The following QDPR variants were observed in gnomAD, a reference collection of about 807,000 sequenced individuals.
QDPR encodes the protein dihydropteridine reductase.
A neutral mutation model predicts 31.7 loss-of-function variants in QDPR; 23 were observed. The observed-to-expected ratio is 0.73, with a 90% CI of 0.52 to 1.03. QDPR has a LOEUF of 1.03. Among genes scored for constraint, QDPR ranks in the 50% least tolerant of loss-of-function variants. QDPR has a pLI of 0.00. For missense variants in QDPR, 324 were observed against 323.8 expected (o/e 1.00, Z 0.00); for synonymous variants, 124 against 124.7 (o/e 0.99, Z 0.03).
intron 3 of QDPR, among the ~76,000 whole-genome samples, chr4:17,503,660 GA>G (rs1718648304): frequency 6.6e-6 from 1 of 152,132 alleles, no homozygotes; most frequent in Non-Finnish European, 1.5e-5. Flanking sequence ...ATGAAAAGTT[GA>G]AAAATGGGCC....
intron 1 of QDPR, 145 bp from the exon 2 acceptor site, chr4:17,509,508 T>G: frequency 1.4e-6 from 1 of 722,150 alleles, no homozygotes; most frequent in Non-Finnish European, 2.4e-6. Context: ...GGAGGATCTC[T>G]TGAGGCCAAG....
chr4:17,510,180 G>C (rs889182126), intron 1 of QDPR, among the ~76,000 whole-genome samples: 1 of 152,188 alleles, frequency 6.6e-6, no homozygotes, highest in African/African-American at 2.4e-5. Flanking sequence ...TGGCAGACCA[G>C]ATTCAGCTCA....
intron 4 of QDPR, among the ~76,000 whole-genome samples, chr4:17,497,106 G>A (rs184739063): frequency 6.6e-6 from 1 of 152,138 alleles, no homozygotes; most frequent in Non-Finnish European, 1.5e-5. Flanking sequence ...ACTAGAATGG[G>A]CACAGAATGC....
intron 4 of QDPR, among the ~76,000 whole-genome samples, chr4:17,500,086 C>T (rs1478832895): frequency 1.3e-5 from 2 of 151,954 alleles, no homozygotes; most frequent in Non-Finnish European, 2.9e-5. Flanking sequence ...TGGGTTCACG[C>T]CATTCTCCTG....
rs191523119 is a variant in QDPR, at chr4:17,508,960, C to G, written c.198+311G>C. On this transcript the variant is annotated intron_variant, in intron 2 of 6. Coordinates refer to ENST00000281243, the MANE Select transcript of QDPR (RefSeq NM_000320.3). ...GATCACAAGGTCAGGAGTTCAAGATCAGCCTGGCCAACATGGTGAAACCCC... is the reference window on the plus strand; with the variant it reads ...GATCACAAGGTCAGGAGTTCAAGATGAGCCTGGCCAACATGGTGAAACCCC... Among the ~76,000 whole-genome samples, 23 of 152,250 alleles carry G rather than the reference C, an allele frequency of 1.5e-4. 1 individual carries two copies. Among genetic ancestry groups the G allele is most frequent in the Non-Finnish European group, 3.2e-4 (22 of 68,020 alleles).
At chr4:17,501,397 T>G (rs1718555657) in intron 4 of QDPR, among the ~76,000 whole-genome samples, 1 of 152,190 alleles carries the variant, frequency 6.6e-6, no homozygotes, top group Non-Finnish European at 1.5e-5. Flanking sequence ...GGATTCAATG[T>G]GATAATAATA....
At chr4:17,503,841 C>G (rs1034802219) in intron 3 of QDPR, among the ~76,000 whole-genome samples, 2 of 152,016 alleles carry the variant, frequency 1.3e-5, no homozygotes, top group Non-Finnish European at 2.9e-5. Flanking sequence ...ATATCAGCTA[C>G]TCGGGAGGCT....
At chr4:17,504,852 C>T (rs1232462041) in intron 2 of QDPR, among the ~76,000 whole-genome samples, 1 of 152,142 alleles carries the variant, frequency 6.6e-6, no homozygotes, top group East Asian at 1.9e-4. Context: ...TCTTTCCAGA[C>T]TCTCTTCACA....
chr4:17,512,077 C>T lies in QDPR; in HGVS notation c.-23G>A. 6.4e-7 allele frequency: 1 copy of T among 1,554,972 alleles called. No individual in the cohort carries two copies. Among genetic ancestry groups the T allele is most frequent in the Non-Finnish European group, 8.7e-7 (1 of 1,153,404 alleles). The stretch of plus-strand genomic sequence containing the variant: ...CATCCTGCTCCTGCCAGCCCGGCTC[C>T]CGCAGCTCCGAATGCCTCGAGCCGG... On this transcript the variant is annotated 5_prime_UTR_variant, in exon 1 of 7. Transcript: ENST00000281243.
At chr4:17,499,152 G>A (rs1297613028) in intron 4 of QDPR, among the ~76,000 whole-genome samples, 1 of 152,064 alleles carries the variant, frequency 6.6e-6, no homozygotes. Context: ...TATATATAAA[G>A]GAGACACTAT....
chr4:17,511,953 G>A lies in QDPR; in HGVS notation c.102C>T (p.Asn34=), dbSNP rs1357084602. The A allele has an allele frequency of 3.7e-6, 6 of 1,610,522 alleles. No homozygotes were observed. The Admixed American group carries it at 1.0e-4, about 27-fold the overall frequency. The change falls in exon 1 of 7, where the codon AAC becomes AAT. Residue 34 remains asparagine (N), a synonymous_variant. Transcript: ENST00000281243. Reference sequence around the variant, plus strand: ...CAGCCCCAGCCCGCAGCATTACCCAGTTGCGGGCCCGAAAAGCCTGCACGC... The same window carrying A: ...CAGCCCCAGCCCGCAGCATTACCCAATTGCGGGCCCGAAAAGCCTGCACGC... ...SRCVQAFRAR[N]WWVASVDVVE... is the part of the protein sequence containing the mutation.
rs965133239 is a variant in QDPR, at chr4:17,505,470, C to T, written c.199-995G>A. Among the ~76,000 whole-genome samples the T allele has an allele frequency of 3.3e-5, 5 of 152,294 alleles. No individual in the cohort carries two copies. In the East Asian group the frequency reaches 9.7e-4, roughly 30 times the overall value. On this transcript the variant is annotated intron_variant, in intron 2 of 6. Coordinates refer to ENST00000281243, the MANE Select transcript of QDPR (RefSeq NM_000320.3). ...CCATGTTGGCCAGGCTTGTCTCGAA[C>T]TCCTGACCTCAGGTGATTCGCCTGC...
At chr4:17,490,630 T>G in intron 6 of QDPR, 32 bp downstream of exon 6, 1 of 1,541,986 alleles carries the variant, frequency 6.5e-7, no homozygotes, top group South Asian at 1.1e-5. Context: ...GGCTGGAAGC[T>G]GCTCAGTCAT....
intron 4 of QDPR, among the ~76,000 whole-genome samples, chr4:17,492,835 A>C (rs941451073): frequency 6.6e-6 from 1 of 152,186 alleles, no homozygotes; most frequent in Non-Finnish European, 1.5e-5. Flanking sequence ...CTTGTGCCAA[A>C]GCTGATGGAG....
At chr4:17,496,411 T>C (rs1313947024) in intron 4 of QDPR, among the ~76,000 whole-genome samples, 1 of 115,410 alleles carries the variant, frequency 8.7e-6, no homozygotes, top group Non-Finnish European at 1.6e-5. Flanking sequence ...GCCATTGCAC[T>C]CCAGCCTGGG....
At chr4:17,509,507 CTT>C (rs1718922275) in intron 1 of QDPR, 144 bp from the exon 2 acceptor site, 1 of 729,172 alleles carries the variant, frequency 1.4e-6, no homozygotes, top group African/African-American at 1.7e-5. Context: ...GGGAGGATCT[CTT>C]GAGGCCAAGA....
rs370564980 is a variant in QDPR, at chr4:17,501,876, T to C, written c.296-17A>G. 46 of 1,613,814 alleles carry C rather than the reference T, an allele frequency of 2.9e-5. No individual in the cohort carries two copies. Among genetic ancestry groups the C allele is most frequent in the Non-Finnish European group, 3.3e-5 (39 of 1,179,972 alleles). ...TAAAGAGAGCTGAGTGAAAAAAACA[T>C]GTGGGCTCAGCATTCCCAGGAAAGA... On this transcript the variant is annotated splice_polypyrimidine_tract_variant and intron_variant, in intron 3 of 6. Transcript: ENST00000281243.
At chr4:17,505,720 A>T (rs984063032) in intron 2 of QDPR, among the ~76,000 whole-genome samples, 4 of 152,140 alleles carry the variant, frequency 2.6e-5, no homozygotes, top group Admixed American at 1.3e-4. Context: ...ACTTAAATCA[A>T]CACCCTGTGT....
At chr4:17,511,458 G>A (rs765873793) in intron 1 of QDPR, among the ~76,000 whole-genome samples, 4 of 152,186 alleles carry the variant, frequency 2.6e-5, no homozygotes, top group South Asian at 2.1e-4. Flanking sequence ...CAGGCGTCAG[G>A]TAATTTATGT....
Sources: gnomAD v4.1 joint callset for allele counts (sites outside exome capture counted in the v4.1 genomes callset) on GRCh38, gnomAD v4.1.1 for gene constraint, MANE v1.5 for transcripts, NCBI Gene and HGNC (gene_info 2026-07-23, HGNC 2026-07-21) for gene names.